ANG: variants seen among roughly 807,000 people sequenced by gnomAD.
ANG encodes the protein angiogenin.
For missense variants in ANG, 178 were observed against 187.4 expected, an observed-to-expected ratio of 0.95 and a Z score of 0.29; for synonymous variants, 74 against 73.8, an observed-to-expected ratio of 1.00 and a Z score of -0.02.
intron 1 of ANG, among the ~76,000 whole-genome samples, chr14:20,690,307 TGACA>T (rs1430950251): frequency 1.3e-5 from 2 of 150,224 alleles, no homozygotes; most frequent in African/African-American, 2.5e-5. Context: ...GACAAAAAGC[TGACA>T]GACAGTTACG....
chr14:20,689,074 G>C (rs969516345), intron 1 of ANG, among the ~76,000 whole-genome samples, 200 bp downstream of exon 1: 2 of 152,204 alleles, frequency 1.3e-5, no homozygotes, highest in African/African-American at 4.8e-5. Flanking sequence ...GTGAGACTGG[G>C]AGGAAGTGGA....
rs1886980807 is a variant in ANG at position 20,694,085 on chromosome 14, C to T, written c.*77C>T. 4 of 1,537,912 alleles carry T rather than the reference C, an allele frequency of 2.6e-6. No homozygotes were observed. Among genetic ancestry groups the T allele is most frequent in the Non-Finnish European group, 3.6e-6 (4 of 1,111,100 alleles). ...CCCTCTGCACCCAGAACAGTGGTGG[C>T]AACATTCATTGCCAAGGGCCCAAAG... On this transcript the variant is annotated 3_prime_UTR_variant, in exon 2 of 2. Coordinates refer to ENST00000397990, the MANE Select transcript of ANG (RefSeq NM_001097577.3).
chr14:20,689,323 CA>C (rs1298903582), intron 1 of ANG, among the ~76,000 whole-genome samples: 1 of 152,144 alleles, frequency 6.6e-6, no homozygotes, highest in Non-Finnish European at 1.5e-5. Context: ...ATCCCAAGAT[CA>C]AAAGAAGGCT....
intron 1 of ANG, among the ~76,000 whole-genome samples, chr14:20,690,104 A>C (rs1026337400): frequency 8.1e-5 from 12 of 147,464 alleles, no homozygotes; most frequent in Non-Finnish European, 1.6e-4. Flanking sequence ...AGTCCCAGCT[A>C]CTCGGGAGGC....
At chr14:20,691,314 G>C (rs1428715645) in intron 1 of ANG, among the ~76,000 whole-genome samples, 4 of 152,232 alleles carry the variant, frequency 2.6e-5, no homozygotes, top group Non-Finnish European at 4.4e-5. Context: ...GTGTAAGGCA[G>C]ACCTTTGACA....
upstream of ANG, among the ~76,000 whole-genome samples, chr14:20,685,073 A>T (rs918214311): frequency 3.3e-5 from 5 of 152,164 alleles, no homozygotes; most frequent in African/African-American, 9.7e-5. Context: ...CTTGCCCACA[A>T]CTAAGAAAGC....
chr14:20,686,653 C>T (rs954493690), upstream of ANG, among the ~76,000 whole-genome samples: 1 of 152,226 alleles, frequency 6.6e-6, no homozygotes, highest in East Asian at 1.9e-4. Context: ...TTTGGAAATA[C>T]AGGCATGTCA....
chr14:20,686,656 G>A (rs908549305), upstream of ANG, among the ~76,000 whole-genome samples: 3 of 152,216 alleles, frequency 2.0e-5, no homozygotes, highest in African/African-American at 7.2e-5. Flanking sequence ...GGAAATACAG[G>A]CATGTCAGCA....
At position 20,690,221 on chromosome 14, in the gene ANG, C is replaced by CAAAAAAAAA. The variant is rs36091065; in HGVS notation, c.-19+1366_-19+1374dup. The stretch of plus-strand genomic sequence containing the variant: ...TGGGCGACAGAGCGAGACTCCGTCT[C>CAAAAAAAAA]AAAAAAAAAAAAAAAAAAAAAAAAA... On this transcript the variant is annotated intron_variant, in intron 1 of 1. Transcript: ENST00000397990. 5.9e-3 allele frequency among the ~76,000 whole-genome samples: 398 copies of CAAAAAAAAA among 67,878 alleles called. 1 individual carries two copies. The highest frequency in any genetic ancestry group is 0.017 in the Middle Eastern group (1 of 60). 44.5% of individuals were successfully genotyped at this position (67,878 alleles called of 152,430 possible). A position where few individuals can be genotyped will look rare whatever the true frequency, so the allele number is the denominator to read the frequency against.
chr14:20,690,221 C>CAAAAAAAAAAAAAA (rs36091065), intron 1 of ANG, among the ~76,000 whole-genome samples: 5 of 67,980 alleles, frequency 7.4e-5, no homozygotes, highest in African/African-American at 1.3e-4. Flanking sequence ...GACTCCGTCT[C>CAAAAAAAAAAAAAA]AAAAAAAAAA....
chr14:20,693,094 G>C (rs919371260), intron 1 of ANG, among the ~76,000 whole-genome samples: 1 of 151,986 alleles, frequency 6.6e-6, no homozygotes, highest in African/African-American at 2.4e-5. Flanking sequence ...TGATCCGCCC[G>C]CCTTGGCCTC....
At chr14:20,690,077 CG>C (rs1886646825) in intron 1 of ANG, among the ~76,000 whole-genome samples, 1 of 142,790 alleles carries the variant, frequency 7.0e-6, no homozygotes, top group South Asian at 2.2e-4. Flanking sequence ...TAGCCGGGCG[CG>C]GTGGCGGGCG....
Position 20,691,506 on chromosome 14 carries a change from G to A in ANG, c.-18-2041G>A, listed in dbSNP as rs142443131. Among the ~76,000 whole-genome samples, 985 of 152,342 alleles carry A rather than the reference G, an allele frequency of 6.5e-3. 5 individuals are homozygous for A. The highest frequency in any genetic ancestry group is 0.01 in the Non-Finnish European group (703 of 68,032). On this transcript the variant is annotated intron_variant, in intron 1 of 1. Coordinates refer to ENST00000397990, the MANE Select transcript of ANG (RefSeq NM_001097577.3). ...TTGGCAGCCCAGCAGCTATACTGGAGCAGCTGCATGAGTGAATACTTGTTA... is the reference window on the plus strand; with the variant it reads ...TTGGCAGCCCAGCAGCTATACTGGAACAGCTGCATGAGTGAATACTTGTTA...
At chr14:20,692,440 G>A (rs985391902) in intron 1 of ANG, among the ~76,000 whole-genome samples, 2 of 152,216 alleles carry the variant, frequency 1.3e-5, no homozygotes, top group African/African-American at 2.4e-5. Flanking sequence ...CCTGGGCTCA[G>A]GGTTCCCTAG....
intron 1 of ANG, among the ~76,000 whole-genome samples, chr14:20,690,411 C>G (rs1045340445): frequency 3.3e-5 from 5 of 152,022 alleles, no homozygotes; most frequent in African/African-American, 1.2e-4. Context: ...ACTTTTACAC[C>G]ACAAACGATC....
chr14:20,684,863 G>A (rs1886348554), upstream of ANG: 1 of 152,332 alleles, frequency 6.6e-6, no homozygotes, highest in Admixed American at 6.5e-5. Flanking sequence ...ACTCCTTGGG[G>A]AGGAGTTTGC....
intron 1 of ANG, among the ~76,000 whole-genome samples, chr14:20,692,323 T>A (rs770991545): frequency 2.0e-5 from 3 of 152,198 alleles, no homozygotes; most frequent in Non-Finnish European, 4.4e-5. Flanking sequence ...GGGAGGTAGG[T>A]CTGCTTCCCT....
In ANG at chr14:20,694,131, T is replaced by G. The variant is rs1402858498; in HGVS notation, c.*123T>G. On this transcript the variant is annotated 3_prime_UTR_variant, in exon 2 of 2. Coordinates refer to ENST00000397990, the MANE Select transcript of ANG (RefSeq NM_001097577.3). ...CAAAGAAAGAGCTACCTGGACCTTT[T>G]GTTTTCTGTTTGACAACATGTTTAA... 1 of 1,046,636 alleles carries G rather than the reference T, an allele frequency of 9.6e-7. No individual in the cohort carries two copies. Among genetic ancestry groups the G allele is most frequent in the Non-Finnish European group, 1.5e-6 (1 of 677,222 alleles). The allele number at this position is 1,046,636 out of a possible 1,614,324, so 64.8% of individuals were successfully genotyped here.
chr14:20,693,039 G>A lies in ANG; in HGVS notation c.-18-508G>A, dbSNP rs562582388. On this transcript the variant is annotated intron_variant, in intron 1 of 1. Transcript: ENST00000397990. ...ATTTTTTGTATTTTTAGTAGAGACGGGGTTTCACCGTGGTAGCCAGGATGG... is the reference window on the plus strand; with the variant it reads ...ATTTTTTGTATTTTTAGTAGAGACGAGGTTTCACCGTGGTAGCCAGGATGG... Among the ~76,000 whole-genome samples the A allele has an allele frequency of 4.5e-3, 682 of 151,626 alleles. 7 individuals carry two copies. The highest frequency in any genetic ancestry group is 0.016 in the African/African-American group (662 of 41,092).
Sources: allele counts gnomAD v4.1 joint callset (sites outside exome capture counted in the v4.1 genomes callset), GRCh38; gene constraint gnomAD v4.1.1; transcripts MANE v1.5; gene names NCBI Gene and HGNC (gene_info 2026-07-23, HGNC 2026-07-21).